Variants in CCDC9 observed in about 807,000 individuals in gnomAD.
The protein encoded by CCDC9 is coiled-coil domain-containing protein 9.
A neutral mutation model predicts 65.6 loss-of-function variants in CCDC9; 52 were observed. The ratio of observed to expected loss-of-function variants is 0.79; its 90% CI spans 0.63 to 1.00. The LOEUF is 1.00. Ranked by LOEUF, CCDC9 falls within the 50% of genes least tolerant of loss-of-function variation. The probability of loss-of-function intolerance (pLI) is 0.00; values close to 1 mark genes in which losing one functional copy is unlikely to be tolerated. For missense variants in CCDC9, 834 were observed against 757.2 expected (o/e 1.10, Z -1.19); for synonymous variants, 332 against 280.3 (o/e 1.18, Z -1.84).
intron 7 of CCDC9, 88 bp downstream of exon 7, chr19:47,265,034 GC>G: frequency 8.6e-7 from 1 of 1,160,352 alleles, no homozygotes; most frequent in Non-Finnish European, 1.1e-6. Context: ...GGGCCATGGG[GC>G]CTCTCCTTTT....
At chr19:47,260,509 G>C (rs1600277630) in intron 4 of CCDC9, 79 bp from the exon 5 acceptor site, 1 of 1,593,132 alleles carries the variant, frequency 6.3e-7, no homozygotes, top group East Asian at 2.2e-5. Flanking sequence ...CAGCTGTCCT[G>C]CACCAGTGGG....
chr19:47,266,708 A>G lies in CCDC9; in HGVS notation c.818A>G (p.Lys273Arg), dbSNP rs1438570572. 5.0e-6 allele frequency: 8 copies of G among 1,611,550 alleles called. No homozygotes were observed. The highest frequency in any genetic ancestry group is 6.8e-6 in the Non-Finnish European group (8 of 1,178,946). Residue 273 changes from lysine to arginine, a missense_variant, in exon 8 of 12, where the codon AAG becomes AGG. Transcript: ENST00000221922. ...EYLRWKQEREKIDQERLQRHR... is the reference protein window; with the variant it reads ...EYLRWKQERERIDQERLQRHR... ...CTGCGCTGGAAGCAGGAGAGGGAGA[A>G]GATCGACCAGGAGCGGCTGCAGAGG...
At chr19:47,275,078 C>T, downstream of CCDC9, 1 of 1,496,386 alleles carries the variant, frequency 6.7e-7, no homozygotes, top group Admixed American at 2.2e-5. Flanking sequence ...ACTACGGTCT[C>T]ATCTGGGTAC....
chr19:47,262,999 AG>A (rs1219485537), intron 5 of CCDC9, among the ~76,000 whole-genome samples: 1 of 151,882 alleles, frequency 6.6e-6, no homozygotes, highest in Non-Finnish European at 1.5e-5. Flanking sequence ...CTGAGCCAGC[AG>A]GATCACTTGG....
At chr19:47,273,527 C>T (rs1294328090), downstream of CCDC9, 2 of 486,232 alleles carry the variant, frequency 4.1e-6, no homozygotes, top group African/African-American at 4.0e-5. Context: ...CCTCTGTCCT[C>T]TGCTTCTGCC....
chr19:47,272,758 G>A (rs1370658368), downstream of CCDC9, among the ~76,000 whole-genome samples: 1 of 152,186 alleles, frequency 6.6e-6, no homozygotes, highest in Non-Finnish European at 1.5e-5. Context: ...AGAGTTCCGA[G>A]GTGCAACCTA....
intron 5 of CCDC9, 74 bp from the exon 6 acceptor site, chr19:47,264,528 TG>T: frequency 7.1e-7 from 1 of 1,404,312 alleles, no homozygotes. Flanking sequence ...TCAGGCCTGC[TG>T]GGCAGCCCGT....
rs368278995 is a variant in CCDC9 at position 47,271,582 on chromosome 19, C to T, written c.1500C>T (p.Ser500=). The change falls in exon 12 of 12, where the codon TCC becomes TCT. Residue 500 remains serine, a synonymous_variant. Transcript: ENST00000221922. The part of the protein sequence containing the change: ...FSPPSGHQPV[S]DWGEEVELNS... ...CACCCAGCGGCCACCAGCCTGTGTCCGATTGGGGTGAAGAGGTGGAGCTGA... is the reference window on the plus strand; with the variant it reads ...CACCCAGCGGCCACCAGCCTGTGTCTGATTGGGGTGAAGAGGTGGAGCTGA... 23 of 1,613,130 alleles carry T rather than the reference C, an allele frequency of 1.4e-5. No homozygotes were observed. Among genetic ancestry groups the T allele is most frequent in the Admixed American group, 5.0e-5 (3 of 60,002 alleles).
At chr19:47,273,306 G>T (rs1415655048), downstream of CCDC9, 1 of 1,114,710 alleles carries the variant, frequency 9.0e-7, no homozygotes, top group Non-Finnish European at 1.1e-6. Context: ...GGGCCGGGGG[G>T]GAGGTGGGAA....
chr19:47,262,500 A>G (rs1469301893), intron 5 of CCDC9, among the ~76,000 whole-genome samples: 1 of 139,884 alleles, frequency 7.1e-6, no homozygotes, highest in East Asian at 1.9e-4. Context: ...GACATGTGTG[A>G]GCTGCTGCGC....
At position 47,267,256 on chromosome 19, in the gene CCDC9, G is replaced by A. The variant is rs181934351; in HGVS notation, c.902+464G>A. The stretch of plus-strand genomic sequence containing the variant: ...TGAGATTACAGGCGTGAGCCACCGC[G>A]CGCGGCCGAGCATTTCTGGTTTTCT... On this transcript the variant is annotated intron_variant, in intron 8 of 11. Coordinates refer to ENST00000221922, the MANE Select transcript of CCDC9 (RefSeq NM_015603.3). 1.2e-3 allele frequency among the ~76,000 whole-genome samples: 182 copies of A among 151,986 alleles called. 1 individual carries two copies. Among genetic ancestry groups the A allele is most frequent in the Non-Finnish European group, 7.8e-4 (53 of 67,994 alleles).
At chr19:47,261,258 GTGTC>G (rs968599832) in intron 5 of CCDC9, among the ~76,000 whole-genome samples, 86 of 152,178 alleles carry the variant, frequency 5.7e-4, no homozygotes, top group African/African-American at 2.0e-3. Context: ...CTGGCACTGT[GTGTC>G]TGTCTGGTGG....
At chr19:47,264,709 A>G (rs1470960899) in intron 6 of CCDC9, 23 bp downstream of exon 6, 6 of 1,602,456 alleles carry the variant, frequency 3.7e-6, no homozygotes, top group Non-Finnish European at 5.1e-6. Flanking sequence ...GGTGTCCCCG[A>G]GGCAGGGCCG....
At chr19:47,272,847 T>G (rs2059132060), downstream of CCDC9, among the ~76,000 whole-genome samples, 1 of 151,932 alleles carries the variant, frequency 6.6e-6, no homozygotes, top group African/African-American at 2.4e-5. Context: ...GCCAAGCCCC[T>G]CTCCACCTAC....
chr19:47,259,393 G>A (rs577952366), intron 3 of CCDC9, among the ~76,000 whole-genome samples: 1 of 152,220 alleles, frequency 6.6e-6, no homozygotes, highest in South Asian at 2.1e-4. Flanking sequence ...GGTGCTGTGC[G>A]GTGGTGGGTG....
chr19:47,259,339 A>G (rs1436550337), intron 3 of CCDC9, among the ~76,000 whole-genome samples: 1 of 152,116 alleles, frequency 6.6e-6, no homozygotes, highest in African/African-American at 2.4e-5. Flanking sequence ...AGCCTTGAGC[A>G]GGGGTGGGAC....
chr19:47,274,868 G>GT, downstream of CCDC9: 1 of 1,182,156 alleles, frequency 8.5e-7, no homozygotes, highest in Non-Finnish European at 1.0e-6. Flanking sequence ...GCGGGGCCTG[G>GT]TGGGGGCGGG....
chr19:47,275,201 C>T (rs757255821), downstream of CCDC9: 151 of 1,516,294 alleles, frequency 1.0e-4, no homozygotes, highest in Non-Finnish European at 1.3e-4. Context: ...CCTCCCTCTC[C>T]TGCCTCCTGG....
At chr19:47,273,802 A>G (rs772046885), downstream of CCDC9, 2 of 280,912 alleles carry the variant, frequency 7.1e-6, no homozygotes, top group Non-Finnish European at 1.2e-5. Flanking sequence ...CTCGGGCGCC[A>G]GCCCTGTCGT....
Sources: allele counts gnomAD v4.1 joint callset (sites outside exome capture counted in the v4.1 genomes callset), GRCh38; gene constraint gnomAD v4.1.1; transcripts MANE v1.5; gene names NCBI Gene and HGNC (gene_info 2026-07-23, HGNC 2026-07-21).